The following SPEF2 variants were observed in gnomAD, a reference collection of about 807,000 sequenced individuals.
SPEF2 encodes the protein sperm flagella and cilia-associated protein 2.
SPEF2 carries 187 observed loss-of-function variants against 224.6 expected under a neutral mutation model. The ratio of observed to expected loss-of-function variants is 0.83; its 90% CI spans 0.74 to 0.94. The LOEUF is 0.94. SPEF2 is among the 40% of genes least tolerant of loss of function. The pLI, the probability that SPEF2 is intolerant of heterozygous loss-of-function variation, is 0.00. For synonymous variants in SPEF2, 715 were observed against 707.3 expected, an observed-to-expected ratio of 1.01 and a Z score of -0.17; for missense variants, 2,170 against 2,135.6, an observed-to-expected ratio of 1.02 and a Z score of -0.32.
At chr5:35,753,310 C>T (rs1749958108) in intron 23 of SPEF2, among the ~76,000 whole-genome samples, 1 of 152,090 alleles carries the variant, frequency 6.6e-6, no homozygotes, top group African/African-American at 2.4e-5. Flanking sequence ...AGGGCTTTTT[C>T]AACCAAACAC....
chr5:35,670,332 A>T (rs781024491), intron 10 of SPEF2, 105 bp downstream of exon 10: 56 of 1,451,332 alleles, frequency 3.9e-5, no homozygotes, highest in Non-Finnish European at 5.0e-5. Flanking sequence ...AAAAATAGAC[A>T]TGTTTTGTTT....
chr5:35,814,412 T>G, intron 36 of SPEF2, 52 bp from the exon 37 acceptor site: 1 of 1,048,098 alleles, frequency 9.5e-7, no homozygotes, highest in Non-Finnish European at 1.4e-6. Flanking sequence ...TAGTATAGTA[T>G]TGATCATCCT....
At chr5:35,763,421 G>A in intron 25 of SPEF2, 101 bp from the exon 26 acceptor site, 1 of 1,084,864 alleles carries the variant, frequency 9.2e-7, no homozygotes, top group Non-Finnish European at 1.3e-6. Context: ...TGAAAATTGA[G>A]ATTAAACCAA....
chr5:35,726,903 T>C (rs528790889), intron 20 of SPEF2, among the ~76,000 whole-genome samples: 12 of 152,252 alleles, frequency 7.9e-5, no homozygotes, highest in Admixed American at 7.9e-4. Context: ...CTTGATGTTA[T>C]CAGGGAAAGT....
chr5:35,760,484 T>G (rs7380557), intron 25 of SPEF2, among the ~76,000 whole-genome samples: 1 of 152,092 alleles, frequency 6.6e-6, no homozygotes, highest in South Asian at 2.1e-4. Flanking sequence ...AGTCTTTTAC[T>G]GATAAAGACA....
chr5:35,630,217 A>G (rs887994642), intron 2 of SPEF2, among the ~76,000 whole-genome samples: 3 of 151,852 alleles, frequency 2.0e-5, no homozygotes, highest in Admixed American at 1.3e-4. Flanking sequence ...TTCCAGGTGC[A>G]TGGTGCAAGC....
chr5:35,702,354 G>A, intron 16 of SPEF2: 1 of 455,680 alleles, frequency 2.2e-6, no homozygotes. Context: ...ATGGGCAGGA[G>A]ACTGGGGGAT....
chr5:35,692,689 C>G lies in SPEF2; in HGVS notation c.1864C>G (p.Leu622Val). Reference sequence around the variant, plus strand: ...TCAGAAAAATGATGAAGAAGATGCTCTACCAGTTCTGCAAGAGGAGATTAA... The same window carrying G: ...TCAGAAAAATGATGAAGAAGATGCTGTACCAGTTCTGCAAGAGGAGATTAA... ...PIQKNDEEDA[L>V]PVLQEEIKES... Residue 622 changes from leucine (L) to valine (V), a missense_variant, in exon 12 of 37, where the codon CTA (leucine) becomes GTA (valine). Physicochemically the swap from Leu to Val is conservative, Grantham distance 32. Coordinates refer to ENST00000356031, the MANE Select transcript of SPEF2 (RefSeq NM_024867.4). 1 of 1,613,784 alleles carries G rather than the reference C, an allele frequency of 6.2e-7. No individual in the cohort carries two copies. The highest frequency in any genetic ancestry group is 8.5e-7 in the Non-Finnish European group (1 of 1,179,896).
chr5:35,738,532 G>C (rs1747044843), intron 21 of SPEF2, among the ~76,000 whole-genome samples: 1 of 149,272 alleles, frequency 6.7e-6, no homozygotes, highest in Admixed American at 6.6e-5. Flanking sequence ...TAGCAGACAA[G>C]AGCAAAGCTT....
intron 26 of SPEF2, chr5:35,764,644 A>G (rs1202785615): frequency 4.4e-6 from 2 of 456,126 alleles, no homozygotes; most frequent in Non-Finnish European, 8.8e-6. Context: ...TCAACTTTCC[A>G]AAAGATTTTG....
At chr5:35,696,416 G>A (rs969478853) in intron 14 of SPEF2, among the ~76,000 whole-genome samples, 3 of 152,162 alleles carry the variant, frequency 2.0e-5, no homozygotes, top group Non-Finnish European at 4.4e-5. Context: ...TAAACAAGAT[G>A]AGCAATGGGA....
intron 1 of SPEF2, among the ~76,000 whole-genome samples, chr5:35,625,520 A>G (rs1744113945): frequency 6.6e-6 from 1 of 152,200 alleles, no homozygotes; most frequent in South Asian, 2.1e-4. Context: ...GAAGGGAAAG[A>G]GATTACCTGA....
At chr5:35,788,356 C>G in intron 30 of SPEF2, 1 of 702,824 alleles carries the variant, frequency 1.4e-6, no homozygotes. Flanking sequence ...GCCCAGTATT[C>G]AGAACTAAAA....
intron 24 of SPEF2, among the ~76,000 whole-genome samples, chr5:35,755,545 A>G (rs1401597752): frequency 1.3e-5 from 2 of 152,210 alleles, no homozygotes. Context: ...AGCAGTAAAT[A>G]AAATCTAACA....
At chr5:35,702,692 T>G (rs1026890893) in intron 16 of SPEF2, among the ~76,000 whole-genome samples, 1 of 152,152 alleles carries the variant, frequency 6.6e-6, no homozygotes, top group African/African-American at 2.4e-5. Context: ...CTATAAAAAT[T>G]AAAAAGAAAT....
At chr5:35,718,087 G>C (rs6451209) in intron 20 of SPEF2, among the ~76,000 whole-genome samples, 112,744 of 152,044 alleles carry the variant, frequency 0.74, 42,302 homozygotes, top group Middle Eastern at 0.83. Context: ...AACAAGGGGA[G>C]GGATAAGGAC....
chr5:35,691,612 G>A (rs762671708), intron 11 of SPEF2, among the ~76,000 whole-genome samples: 11 of 152,284 alleles, frequency 7.2e-5, no homozygotes, highest in Non-Finnish European at 1.3e-4. Flanking sequence ...GGGGAATGAG[G>A]AGTGACAGCA....
intron 2 of SPEF2, among the ~76,000 whole-genome samples, chr5:35,637,792 GTACC>G (rs1746046850): frequency 6.6e-6 from 1 of 152,072 alleles, no homozygotes; most frequent in African/African-American, 2.4e-5. Context: ...CGCTCCCTCT[GTACC>G]TAGCCTTGCT....
chr5:35,700,737 A>G lies in SPEF2; in HGVS notation c.2383A>G (p.Met795Val), dbSNP rs758676499. The G allele has an allele frequency of 6.8e-6, 11 of 1,613,932 alleles. No homozygotes were observed. The highest frequency in any genetic ancestry group is 8.5e-6 in the Non-Finnish European group (10 of 1,179,878). The stretch of plus-strand genomic sequence containing the variant: ...TTCAGATACTTCCTCAATGAGTCGC[A>G]TGAATGATATTATAGGTAAGCTGGA... Reference protein sequence around the residue: ...DVSDTSSMSRMNDIIAEELSY... With the variant: ...DVSDTSSMSRVNDIIAEELSY... Residue 795 changes from methionine (M) to valine (V), a missense_variant, in exon 16 of 37, where the codon ATG (methionine) becomes GTG (valine). Transcript: ENST00000356031.
Sources: allele counts gnomAD v4.1 joint callset (sites outside exome capture counted in the v4.1 genomes callset), GRCh38; gene constraint gnomAD v4.1.1; transcripts MANE v1.5; gene names NCBI Gene and HGNC (gene_info 2026-07-23, HGNC 2026-07-21).